KIRREL3: variants seen among roughly 807,000 people sequenced by gnomAD.
The protein encoded by KIRREL3 is kin of IRRE-like protein 3.
KIRREL3 carries 36 observed loss-of-function variants against 89.7 expected under a neutral mutation model. The ratio of observed to expected loss-of-function variants is 0.40; its 90% CI spans 0.31 to 0.53. The LOEUF (loss-of-function observed/expected upper bound fraction) is 0.53. KIRREL3 is among the 20% of genes least tolerant of loss of function. The pLI, the probability that KIRREL3 is intolerant of heterozygous loss-of-function variation, is 0.49. For missense variants in KIRREL3, 864 were observed against 1,056.6 expected (o/e 0.82, Z 2.53); for synonymous variants, 445 against 441.4 (o/e 1.01, Z -0.10).
rs747948213 is a variant in KIRREL3, at chr11:126,521,500, G to T, written c.284-36C>A. The T allele has an allele frequency of 1.9e-6, 3 of 1,551,102 alleles. No individual in the cohort carries two copies. In the South Asian group the frequency reaches 3.6e-5, roughly 18 times the overall value. On this transcript the variant is annotated intron_variant, in intron 3 of 16. Coordinates refer to ENST00000525144, the MANE Select transcript of KIRREL3 (RefSeq NM_032531.4). This position sits in a 1 kb window ranked among gnomAD's most constrained non-coding sequence, Gnocchi z 4.1. ...AACAGGCAGGTCAGGGAGCTGGGGTGGGGTGGAGGGGACACCCATGACAAA... is the reference window on the plus strand; with the variant it reads ...AACAGGCAGGTCAGGGAGCTGGGGTTGGGTGGAGGGGACACCCATGACAAA...
In KIRREL3 at chr11:126,969,820, A is replaced by G. The variant is rs1949379110; in HGVS notation, c.55+30635T>C. ...CCATTGAAGGAAGGAAAAAGGTAGC[A>G]GACAGCCTTTCCCTTCTCTTCTCCT... is the stretch of plus-strand genomic sequence containing the variant. On this transcript the variant is annotated intron_variant, in intron 1 of 16. Coordinates refer to ENST00000525144, the MANE Select transcript of KIRREL3 (RefSeq NM_032531.4). The surrounding 1 kb of genome is among the most constrained non-coding windows in gnomAD (Gnocchi z 4.9). Among the ~76,000 whole-genome samples the G allele has an allele frequency of 6.6e-6, 1 of 152,216 alleles. No individual in the cohort carries two copies. The highest frequency in any genetic ancestry group is 6.5e-5 in the Admixed American group (1 of 15,284).
Position 126,755,878 on chromosome 11 carries a change from CAGAGAG to C in KIRREL3, c.56-192972_56-192967del, listed in dbSNP as rs10699844. Reference sequence around the variant, plus strand: ...GAGGGAGAGAGGGAGAGAGAAAAAACAGAGAGAGAGAGAGAGAGAGAAGACTGAGCT... The same window carrying C: ...GAGGGAGAGAGGGAGAGAGAAAAAACAGAGAGAGAGAGAGAAGACTGAGCT... On this transcript the variant is annotated intron_variant, in intron 1 of 16. Coordinates refer to ENST00000525144, the MANE Select transcript of KIRREL3 (RefSeq NM_032531.4). The surrounding 1 kb of genome is among the most constrained non-coding windows in gnomAD (Gnocchi z 4.3). Among the ~76,000 whole-genome samples, 1 of 148,728 alleles carries C rather than the reference CAGAGAG, an allele frequency of 6.7e-6. No homozygotes were observed. Among genetic ancestry groups the C allele is most frequent in the African/African-American group, 2.5e-5 (1 of 40,348 alleles).
At position 126,768,170 on chromosome 11, in the gene KIRREL3, A is replaced by ATCCATCCATCCATCCAATCCATCC; in HGVS notation, c.56-205259_56-205258insGGATGGATTGGATGGATGGATGGA. Among the ~76,000 whole-genome samples the ATCCATCCATCCATCCAATCCATCC allele has an allele frequency of 1.2e-5, 1 of 80,012 alleles. No homozygotes were observed. Among genetic ancestry groups the ATCCATCCATCCATCCAATCCATCC allele is most frequent in the East Asian group, 7.4e-4 (1 of 1,356 alleles). 52.5% of individuals were successfully genotyped at this position (80,012 alleles called of 152,430 possible). ...CATCCATCCATCCATCCATCCATCC[A>ATCCATCCATCCATCCAATCCATCC]ATCCATCCATCCATCCATCCATCCA... On this transcript the variant is annotated intron_variant, in intron 1 of 16. Coordinates refer to ENST00000525144, the MANE Select transcript of KIRREL3 (RefSeq NM_032531.4). This position sits in a 1 kb window ranked among gnomAD's most constrained non-coding sequence, Gnocchi z 4.5.
intron 1 of KIRREL3, among the ~76,000 whole-genome samples, chr11:126,923,164 C>CTTCTTCTTCTTCTTCTTCTTCTTCTT (rs1211953588): frequency 4.2e-5 from 1 of 23,760 alleles, no homozygotes; most frequent in Non-Finnish European, 7.7e-5. Flanking sequence ...TCTTCTTCTT[C>CTTCTTCTTCTTCTTCTTCTTCTTCTT]TTCTTCTTCT....
chr11:126,870,047 A>G lies in KIRREL3; in HGVS notation c.55+130408T>C, dbSNP rs1378097204. ...TTCAAATGCCCCTAAACAGTCCTCT[A>G]ATCTTGAGTAAAGTTCATTGGGCCC... On this transcript the variant is annotated intron_variant, in intron 1 of 16. Coordinates refer to ENST00000525144, the MANE Select transcript of KIRREL3 (RefSeq NM_032531.4). The surrounding 1 kb of genome is among the most constrained non-coding windows in gnomAD (Gnocchi z 4.4). Among the ~76,000 whole-genome samples the G allele has an allele frequency of 6.6e-6, 1 of 152,204 alleles. No individual in the cohort carries two copies. The highest frequency in any genetic ancestry group is 1.5e-5 in the Non-Finnish European group (1 of 68,030).
intron 1 of KIRREL3, among the ~76,000 whole-genome samples, chr11:126,937,555 G>A (rs1451316434): frequency 2.0e-5 from 3 of 152,120 alleles, no homozygotes; most frequent in Admixed American, 1.3e-4. Flanking sequence ...CAGATACTCG[G>A]TCTCTTCCTC....
chr11:126,583,457 G>A (rs923315431), intron 1 of KIRREL3, among the ~76,000 whole-genome samples: 7 of 152,186 alleles, frequency 4.6e-5, no homozygotes, highest in African/African-American at 1.7e-4. Context: ...ACCCTGCCAA[G>A]GGCCTCAGCA....
At position 126,593,097 on chromosome 11, in the gene KIRREL3, GA is replaced by G. The variant is rs1044691963; in HGVS notation, c.56-30186del. 2.2e-4 allele frequency among the ~76,000 whole-genome samples: 34 copies of G among 152,228 alleles called. No individual in the cohort carries two copies. In the East Asian group the frequency reaches 3.5e-3, roughly 16 times the overall value. ...GATTGTCTGAATGGGTCTCCAATAG[GA>G]AAAAAGCCAGGGCTTTGGAGAAACA... On this transcript the variant is annotated intron_variant, in intron 1 of 16. Transcript: ENST00000525144.
chr11:126,446,275 T>TTTC (rs879570483), intron 9 of KIRREL3, among the ~76,000 whole-genome samples: 16,920 of 128,324 alleles, frequency 0.13, 1,364 homozygotes, highest in Non-Finnish European at 0.19. Context: ...TCTCTCTTTC[T>TTTC]TTTCTTTCTC....
At chr11:126,465,422 T>G (rs960597416) in intron 5 of KIRREL3, among the ~76,000 whole-genome samples, 1 of 151,912 alleles carries the variant, frequency 6.6e-6, no homozygotes, top group South Asian at 2.1e-4. Context: ...GCCCCGGGGG[T>G]GCTGGACGGT....
In KIRREL3 at chr11:126,987,560, TC is replaced by T. The variant is rs1286785098; in HGVS notation, c.55+12894del. 6.6e-6 allele frequency among the ~76,000 whole-genome samples: 1 copy of T among 152,124 alleles called. No homozygotes were observed. Among genetic ancestry groups the T allele is most frequent in the Non-Finnish European group, 1.5e-5 (1 of 68,010 alleles). ...GGATTTCTCTCTGCAAAAACCTCTG[TC>T]CCAATCTGATGAAGAGAACACCCAA... On this transcript the variant is annotated intron_variant, in intron 1 of 16. Coordinates refer to ENST00000525144, the MANE Select transcript of KIRREL3 (RefSeq NM_032531.4). The surrounding 1 kb of genome is among the most constrained non-coding windows in gnomAD (Gnocchi z 4.6).
At chr11:126,746,181 G>A (rs899198948) in intron 1 of KIRREL3, among the ~76,000 whole-genome samples, 1 of 152,042 alleles carries the variant, frequency 6.6e-6, no homozygotes, top group African/African-American at 2.4e-5. Context: ...TCACCTATCC[G>A]GCAATTTTGA....
At chr11:126,451,012 T>C (rs1027786168) in intron 7 of KIRREL3, among the ~76,000 whole-genome samples, 1 of 149,984 alleles carries the variant, frequency 6.7e-6, no homozygotes, top group Non-Finnish European at 1.5e-5. Context: ...TGCACGTGAG[T>C]GCATGTGTCC....
Position 126,763,748 on chromosome 11 carries a change from C to T in KIRREL3, c.56-200836G>A, listed in dbSNP as rs1011774354. The stretch of plus-strand genomic sequence containing the variant: ...TGAAATGGGGACAATAGAAACACCC[C>T]TCTCAAACGTAGGGAAAGCTTGTCC... On this transcript the variant is annotated intron_variant, in intron 1 of 16. Transcript: ENST00000525144. This position sits in a 1 kb window ranked among gnomAD's most constrained non-coding sequence, Gnocchi z 4.7. Among the ~76,000 whole-genome samples, 1 of 152,206 alleles carries T rather than the reference C, an allele frequency of 6.6e-6. No homozygotes were observed. The highest frequency in any genetic ancestry group is 1.5e-5 in the Non-Finnish European group (1 of 68,046).
intron 4 of KIRREL3, among the ~76,000 whole-genome samples, chr11:126,517,178 G>A (rs1958443443): frequency 1.3e-5 from 2 of 151,336 alleles, no homozygotes; most frequent in Non-Finnish European, 2.9e-5. Context: ...GAGACAGAGT[G>A]TTTAATGTTT....
In KIRREL3 at chr11:126,710,077, C is replaced by T. The variant is rs988507238; in HGVS notation, c.56-147165G>A. On this transcript the variant is annotated intron_variant, in intron 1 of 16. Coordinates refer to ENST00000525144, the MANE Select transcript of KIRREL3 (RefSeq NM_032531.4). The surrounding 1 kb of genome is among the most constrained non-coding windows in gnomAD (Gnocchi z 4.2). Reference sequence around the variant, plus strand: ...GAAAGAAATGTCCCTAGGAGACACACATAATGAGTATCAAGTCTGGCATTG... The same window carrying T: ...GAAAGAAATGTCCCTAGGAGACACATATAATGAGTATCAAGTCTGGCATTG... Among the ~76,000 whole-genome samples, 1 of 152,208 alleles carries T rather than the reference C, an allele frequency of 6.6e-6. No homozygotes were observed. Among genetic ancestry groups the T allele is most frequent in the African/African-American group, 2.4e-5 (1 of 41,448 alleles).
At chr11:126,864,919 C>T (rs901831625) in intron 1 of KIRREL3, among the ~76,000 whole-genome samples, 2 of 152,194 alleles carry the variant, frequency 1.3e-5, no homozygotes, top group African/African-American at 2.4e-5. Context: ...TGTTTTCCTA[C>T]TGGCCTTAGG....
chr11:126,924,576 G>C lies in KIRREL3; in HGVS notation c.55+75879C>G, dbSNP rs530818979. 1.5e-4 allele frequency among the ~76,000 whole-genome samples: 23 copies of C among 152,316 alleles called. No individual in the cohort carries two copies. Among genetic ancestry groups the C allele is most frequent in the African/African-American group, 5.5e-4 (23 of 41,574 alleles). On this transcript the variant is annotated intron_variant, in intron 1 of 16. Transcript: ENST00000525144. The surrounding 1 kb of genome is among the most constrained non-coding windows in gnomAD (Gnocchi z 4.7). ...CACAGACTGCGCTTCAGCTGCTGCT[G>C]ACTCCCTCCCAGAAGGCCCCAGAGT...
intron 1 of KIRREL3, among the ~76,000 whole-genome samples, chr11:126,702,921 C>T (rs976213846): frequency 2.0e-5 from 3 of 152,244 alleles, no homozygotes; most frequent in Admixed American, 2.0e-4. Flanking sequence ...CCCATTCTGC[C>T]TCCATTCCTT....
Sources: allele counts gnomAD v4.1 joint callset (sites outside exome capture counted in the v4.1 genomes callset), GRCh38; gene constraint gnomAD v4.1.1; non-coding constraint Gnocchi (gnomAD v3.1); transcripts MANE v1.5; gene names NCBI Gene and HGNC (gene_info 2026-07-23, HGNC 2026-07-21).